The following NHSL1 variants were observed in gnomAD, a reference collection of about 807,000 sequenced individuals.
NHSL1 encodes NHS like 1.
A neutral mutation model predicts 95.0 loss-of-function variants in NHSL1; 48 were observed. The observed-to-expected ratio is 0.51, with a 90% CI of 0.40 to 0.64. The LOEUF is 0.64. Ranked by LOEUF, NHSL1 falls within the 30% of genes least tolerant of loss-of-function variation. The pLI, the probability that NHSL1 is intolerant of heterozygous loss-of-function variation, is 0.00. For missense variants in NHSL1, 1,971 were observed against 2,077.7 expected, an observed-to-expected ratio of 0.95 and a Z score of 1.00; for synonymous variants, 783 against 833.9, an observed-to-expected ratio of 0.94 and a Z score of 1.05.
intron 1 of NHSL1, among the ~76,000 whole-genome samples, chr6:138,570,748 G>A (rs1172808513): frequency 6.6e-6 from 1 of 152,190 alleles, no homozygotes; most frequent in Non-Finnish European, 1.5e-5. Context: ...CAAAGCAGGG[G>A]GAAGCACAGG....
At chr6:138,437,979 T>G (rs1776297281) in intron 5 of NHSL1, among the ~76,000 whole-genome samples, 1 of 152,252 alleles carries the variant, frequency 6.6e-6, no homozygotes, top group African/African-American at 2.4e-5. Context: ...GTGAAGATGC[T>G]GTGAACATTG....
At chr6:138,613,335 C>T (rs948534286) in intron 1 of NHSL1, among the ~76,000 whole-genome samples, 13 of 152,158 alleles carry the variant, frequency 8.5e-5, no homozygotes, top group Middle Eastern at 3.2e-3. Context: ...GAACCCCTGA[C>T]GGATGTGTAT....
At chr6:138,512,662 T>C (rs914215153) in intron 1 of NHSL1, among the ~76,000 whole-genome samples, 1 of 152,120 alleles carries the variant, frequency 6.6e-6, no homozygotes, top group Non-Finnish European at 1.5e-5. Flanking sequence ...AATGGCAACG[T>C]GAATGCTTCA....
chr6:138,686,015 C>A (rs1785580579), intron 1 of NHSL1, among the ~76,000 whole-genome samples: 3 of 151,932 alleles, frequency 2.0e-5, no homozygotes, highest in African/African-American at 7.3e-5. Flanking sequence ...TGATGGTTAC[C>A]AAGGGCTGTA....
intron 3 of NHSL1, among the ~76,000 whole-genome samples, chr6:138,450,752 G>A (rs1015954626): frequency 2.0e-5 from 3 of 152,124 alleles, no homozygotes; most frequent in African/African-American, 7.2e-5. Context: ...ATATGCAAAT[G>A]TGACTGTTAG....
intron 1 of NHSL1, among the ~76,000 whole-genome samples, chr6:138,589,499 G>T (rs983525663): frequency 6.6e-6 from 1 of 152,066 alleles, no homozygotes; most frequent in African/African-American, 2.4e-5. Context: ...ATGTGCTCAG[G>T]GTAGGCAGCA....
At chr6:138,591,141 G>T (rs1023321332) in intron 1 of NHSL1, among the ~76,000 whole-genome samples, 4 of 152,166 alleles carry the variant, frequency 2.6e-5, no homozygotes, top group African/African-American at 9.7e-5. Context: ...TTGAACTTGA[G>T]AATGTGCAGG....
chr6:138,515,982 A>G (rs1261173581), intron 1 of NHSL1, among the ~76,000 whole-genome samples: 2 of 152,234 alleles, frequency 1.3e-5, no homozygotes, highest in Non-Finnish European at 2.9e-5. Flanking sequence ...GTGCACCACA[A>G]TGAGAGGCTG....
intron 1 of NHSL1, among the ~76,000 whole-genome samples, chr6:138,581,644 A>G (rs1784057729): frequency 6.7e-6 from 1 of 148,266 alleles, no homozygotes; most frequent in South Asian, 2.1e-4. Flanking sequence ...GTGAGCCGAG[A>G]TCATGCCACC....
At chr6:138,664,081 C>G (rs116305223) in intron 1 of NHSL1, among the ~76,000 whole-genome samples, 1 of 152,120 alleles carries the variant, frequency 6.6e-6, no homozygotes, top group African/African-American at 2.4e-5. Flanking sequence ...CAAACAAATG[C>G]GGATTAGATA....
intron 1 of NHSL1, among the ~76,000 whole-genome samples, chr6:138,550,746 A>G (rs1782971798): frequency 6.6e-6 from 1 of 152,242 alleles, no homozygotes; most frequent in Non-Finnish European, 1.5e-5. Context: ...AGTTTGCATA[A>G]TACACAGAAT....
chr6:138,447,010 T>C lies in NHSL1; in HGVS notation c.523A>G (p.Asn175Asp). ...QTVQADVVPI[N>D]ITGENFDRQA... ...GGCTAGCAAAGCGTACCAGTTATGT[T>C]AATAGGCACCACGTCAGCCTGGACT... The change falls in exon 4 of 8, where the codon AAC becomes GAC. Residue 175 changes from asparagine (N) to aspartate (D), a missense_variant. Around this residue, in one of 3 missense-constraint regions of NHSL1, gnomAD observed 1,602 missense variants for 1,654.5 expected, o/e 0.97. Transcript: ENST00000343505. The C allele has an allele frequency of 1.3e-6, 2 of 1,551,652 alleles. No homozygotes were observed. The highest frequency in any genetic ancestry group is 1.7e-6 in the Non-Finnish European group (2 of 1,146,922).
upstream of NHSL1, among the ~76,000 whole-genome samples, chr6:138,546,695 G>A (rs1159761163): frequency 1.3e-5 from 2 of 152,160 alleles, no homozygotes; most frequent in Non-Finnish European, 2.9e-5. Flanking sequence ...CTATGGCAAT[G>A]TCATTTTTTC....
chr6:138,472,161 G>A (rs567092554), intron 3 of NHSL1, among the ~76,000 whole-genome samples: 2 of 131,696 alleles, frequency 1.5e-5, no homozygotes, highest in African/African-American at 6.0e-5. Flanking sequence ...CAGCCTGGGC[G>A]ACAGAGCAAG....
At chr6:138,679,350 C>G (rs1388896416) in intron 1 of NHSL1, among the ~76,000 whole-genome samples, 4 of 152,168 alleles carry the variant, frequency 2.6e-5, no homozygotes, top group Non-Finnish European at 5.9e-5. Context: ...AATAGGCATG[C>G]TGCTCAAGTA....
chr6:138,474,203 A>G (rs1778929337), intron 2 of NHSL1, among the ~76,000 whole-genome samples: 1 of 152,230 alleles, frequency 6.6e-6, no homozygotes, highest in African/African-American at 2.4e-5. Flanking sequence ...TAAAGCACCA[A>G]GATGCACAAA....
chr6:138,568,042 A>G lies in NHSL1; in HGVS notation c.202+3668T>C, dbSNP rs1042746436. ...TTATTTGAGTGAGCAAGAAAGGGAA[A>G]GCACAGAATAAATACTACTAGTCAT... is the stretch of plus-strand genomic sequence containing the variant. On this transcript the variant is annotated intron_variant, in intron 1 of 6. Transcript: ENST00000427025. 5.3e-5 allele frequency among the ~76,000 whole-genome samples: 8 copies of G among 152,328 alleles called. 1 individual carries two copies. The East Asian group carries it at 1.3e-3, about 26-fold the overall frequency.
intron 1 of NHSL1, among the ~76,000 whole-genome samples, chr6:138,603,131 T>C (rs1319605220): frequency 6.6e-6 from 1 of 152,198 alleles, no homozygotes; most frequent in Admixed American, 6.5e-5. Context: ...TAACTATCAG[T>C]TTTAAGCTTT....
At chr6:138,559,381 A>C (rs867193483) in intron 1 of NHSL1, among the ~76,000 whole-genome samples, 29 of 152,244 alleles carry the variant, frequency 1.9e-4, no homozygotes, top group African/African-American at 7.0e-4. Flanking sequence ...CCTGTTGGCA[A>C]TCACTCGGTC....
Sources: gnomAD v4.1 joint callset for allele counts (sites outside exome capture counted in the v4.1 genomes callset) on GRCh38, gnomAD v4.1.1 for gene constraint, gnomAD v4.1.1 regional missense constraint, MANE v1.5 for transcripts, NCBI Gene and HGNC (gene_info 2026-07-23, HGNC 2026-07-21) for gene names.